The following ANKH variants were observed in gnomAD, a reference collection of about 807,000 sequenced individuals.
ANKH encodes the protein mineralization regulator ANKH.
ANKH carries 15 observed loss-of-function variants against 49.0 expected under a neutral mutation model. That is an observed-to-expected ratio of 0.31 (90% confidence interval 0.20 to 0.47). The LOEUF (loss-of-function observed/expected upper bound fraction) is 0.47. Among genes scored for constraint, ANKH ranks in the 20% least tolerant of loss-of-function variants. The pLI is 1.00. For synonymous variants in ANKH, 273 were observed against 260.0 expected, an observed-to-expected ratio of 1.05 and a Z score of -0.48; for missense variants, 429 against 652.0, an observed-to-expected ratio of 0.66 and a Z score of 3.72.
At chr5:14,731,218 C>A (rs563700747) in intron 8 of ANKH, among the ~76,000 whole-genome samples, 3 of 152,056 alleles carry the variant, frequency 2.0e-5, no homozygotes, top group African/African-American at 7.2e-5. Context: ...ATTTCCAAAT[C>A]GGCCATGGCT....
chr5:14,825,234 G>A (rs946242772), intron 1 of ANKH, among the ~76,000 whole-genome samples: 1 of 152,162 alleles, frequency 6.6e-6, no homozygotes, highest in African/African-American at 2.4e-5. Flanking sequence ...AAGGTACGCT[G>A]GTACACAGAA....
intron 8 of ANKH, among the ~76,000 whole-genome samples, chr5:14,718,718 G>A (rs1283310469): frequency 1.3e-5 from 2 of 151,856 alleles, no homozygotes; most frequent in Non-Finnish European, 2.9e-5. Flanking sequence ...GCTGAGGCAG[G>A]AGAATCGCTT....
intron 1 of ANKH, among the ~76,000 whole-genome samples, chr5:14,777,039 T>C (rs1739648454): frequency 6.6e-6 from 1 of 152,170 alleles, no homozygotes; most frequent in African/African-American, 2.4e-5. Flanking sequence ...CCCAGCACTT[T>C]AGGAGGCCGA....
intron 1 of ANKH, among the ~76,000 whole-genome samples, chr5:14,867,646 G>A (rs1430380788): frequency 1.3e-5 from 2 of 151,518 alleles, no homozygotes; most frequent in South Asian, 2.1e-4. Flanking sequence ...TGCAAGCTCC[G>A]CTTCCCGGGT....
chr5:14,844,230 T>C (rs1741894193), intron 1 of ANKH, among the ~76,000 whole-genome samples: 1 of 152,234 alleles, frequency 6.6e-6, no homozygotes, highest in East Asian at 1.9e-4. Context: ...TGATGTCTTA[T>C]GTACCTCTCC....
At position 14,713,583 on chromosome 5, in the gene ANKH, A is replaced by G; in HGVS notation, c.1226T>C (p.Ile409Thr). ...GACCACGAGGCTGGCGATGAGGACG[A>G]TGATCCGCAGCACAGAGCTGGGGGC... ...VLAPSSVLRIIVLIASLVVLP... is the reference protein window; with the variant it reads ...VLAPSSVLRITVLIASLVVLP... The change falls in exon 10 of 12, where the codon ATC becomes ACC. Residue 409 changes from isoleucine (I) to threonine (T), a missense_variant. Transcript: ENST00000284268. This position sits in a 1 kb window ranked among gnomAD's most constrained non-coding sequence, Gnocchi z 4.4. The G allele has an allele frequency of 6.2e-7, 1 of 1,614,200 alleles. No homozygotes were observed. The highest frequency in any genetic ancestry group is 8.5e-7 in the Non-Finnish European group (1 of 1,180,030).
In ANKH at chr5:14,797,660, A is replaced by G; in HGVS notation, c.97-28469T>C. ...CCCAAATCATCAGTTTCTGATCATC[A>G]GCAACTGACCCAAACAGAGACTCAC... On this transcript the variant is annotated intron_variant, in intron 1 of 11. Transcript: ENST00000284268. 3.8e-6 allele frequency: 6 copies of G among 1,599,066 alleles called. No individual in the cohort carries two copies. The South Asian group carries it at 6.6e-5, about 18-fold the overall frequency.
intron 2 of ANKH, among the ~76,000 whole-genome samples, chr5:14,761,826 C>T (rs956959505): frequency 1.3e-5 from 2 of 151,074 alleles, no homozygotes; most frequent in Non-Finnish European, 2.9e-5. Context: ...AATGCAGTGG[C>T]GCAATCTCAG....
At chr5:14,814,691 T>C (rs563159454) in intron 1 of ANKH, among the ~76,000 whole-genome samples, 7 of 152,372 alleles carry the variant, frequency 4.6e-5, no homozygotes, top group Admixed American at 1.3e-4. Context: ...TGCAATTCAA[T>C]AGTCTGTTTC....
chr5:14,711,565 G>A (rs909778533), intron 11 of ANKH, among the ~76,000 whole-genome samples: 4 of 152,102 alleles, frequency 2.6e-5, no homozygotes, highest in African/African-American at 7.2e-5. Flanking sequence ...CCACTGCCCC[G>A]CCCCAGACAA....
At chr5:14,774,266 A>G (rs1739541138) in intron 1 of ANKH, among the ~76,000 whole-genome samples, 1 of 152,170 alleles carries the variant, frequency 6.6e-6, no homozygotes, top group Non-Finnish European at 1.5e-5. Flanking sequence ...TAGATAGGAT[A>G]AATTTGTTCT....
intron 1 of ANKH, 181 bp downstream of exon 1, chr5:14,871,171 A>T: frequency 1.5e-6 from 1 of 668,456 alleles, no homozygotes; most frequent in Non-Finnish European, 2.7e-6. Context: ...CTGCTGAATA[A>T]TTGAGGGGAG....
chr5:14,709,296 C>G lies in ANKH; in HGVS notation c.*1901G>C, dbSNP rs1360425648. 2 of 71,128 alleles carry G rather than the reference C, an allele frequency of 2.8e-5. No homozygotes were observed. Among genetic ancestry groups the G allele is most frequent in the Non-Finnish European group, 7.5e-5 (2 of 26,654 alleles). The allele number at this position is 71,128 out of a possible 1,614,324, so 4.4% of individuals were successfully genotyped here. On this transcript the variant is annotated 3_prime_UTR_variant, in exon 12 of 12. Transcript: ENST00000284268. ...TTCTAGTAATGTCCTTTAAAAAAAG[C>G]TGATACATTGAGATTTTTTTTTAAT...
intron 1 of ANKH, among the ~76,000 whole-genome samples, chr5:14,787,274 A>G (rs1328125628): frequency 6.6e-6 from 1 of 151,906 alleles, no homozygotes; most frequent in Non-Finnish European, 1.5e-5. Context: ...AGATAGCGCC[A>G]TTGCACTCCA....
intron 4 of ANKH, among the ~76,000 whole-genome samples, chr5:14,753,795 G>GAAAAC (rs892584513): frequency 2.6e-5 from 4 of 151,990 alleles, no homozygotes; most frequent in Non-Finnish European, 5.9e-5. Context: ...AGTAAAATCT[G>GAAAAC]AAAACAAAAC....
At chr5:14,855,673 TCTCCCTAAGC>T (rs1326752322) in intron 1 of ANKH, among the ~76,000 whole-genome samples, 1 of 152,056 alleles carries the variant, frequency 6.6e-6, no homozygotes, top group Non-Finnish European at 1.5e-5. Flanking sequence ...GTAGTCACCC[TCTCCCTAAGC>T]CTGTGTCAAA....
intron 1 of ANKH, among the ~76,000 whole-genome samples, chr5:14,808,100 G>GT (rs1740760299): frequency 6.6e-6 from 1 of 151,946 alleles, no homozygotes; most frequent in African/African-American, 2.4e-5. Context: ...TTTGAAAACT[G>GT]TTTTTTTAAT....
At chr5:14,759,211 G>A (rs539768109) in intron 2 of ANKH, among the ~76,000 whole-genome samples, 20 of 152,224 alleles carry the variant, frequency 1.3e-4, no homozygotes, top group Admixed American at 3.3e-4. Flanking sequence ...GTCCTGCACC[G>A]CTGGAAAATG....
intron 1 of ANKH, among the ~76,000 whole-genome samples, chr5:14,848,462 C>T (rs1335363903): frequency 6.6e-6 from 1 of 152,212 alleles, no homozygotes; most frequent in Non-Finnish European, 1.5e-5. Context: ...TCTATTAAAT[C>T]TTGCAACTGC....
Sources: gnomAD v4.1 joint callset for allele counts (sites outside exome capture counted in the v4.1 genomes callset) on GRCh38, gnomAD v4.1.1 for gene constraint, Gnocchi (gnomAD v3.1) non-coding constraint, MANE v1.5 for transcripts, NCBI Gene and HGNC (gene_info 2026-07-23, HGNC 2026-07-21) for gene names.